FMNL2: variants seen among roughly 807,000 people sequenced by gnomAD.
FMNL2 encodes formin-like protein 2.
Under a neutral mutation model 130.2 loss-of-function variants are expected in FMNL2, and 51 were observed. That is an observed-to-expected ratio of 0.39 (90% CI 0.31 to 0.49). The LOEUF (loss-of-function observed/expected upper bound fraction) is 0.49. Ranked by LOEUF, FMNL2 falls within the 20% of genes least tolerant of loss-of-function variation. The pLI is 0.85. For missense variants in FMNL2, 977 were observed against 1,316.2 expected (o/e 0.74, Z 3.99); for synonymous variants, 465 against 467.1 (o/e 1.00, Z 0.06).
intron 1 of FMNL2, among the ~76,000 whole-genome samples, chr2:152,404,305 A>G (rs1424009460): frequency 3.9e-5 from 6 of 152,214 alleles, no homozygotes; most frequent in Non-Finnish European, 8.8e-5. Flanking sequence ...CCTTTCCTAC[A>G]TAAACATTTT....
chr2:152,542,610 A>G, intron 2 of FMNL2, 129 bp from the exon 3 acceptor site: 2 of 832,320 alleles, frequency 2.4e-6, no homozygotes, highest in East Asian at 2.6e-5. Context: ...TTAGTACAAA[A>G]TGACTGCTCG....
At chr2:152,621,033 A>AG in intron 15 of FMNL2, 1 of 985,408 alleles carries the variant, frequency 1.0e-6, no homozygotes, top group Non-Finnish European at 1.2e-6. Context: ...TGGAATATAA[A>AG]CAGACAAACA....
At chr2:152,548,564 C>T (rs1010038736) in intron 3 of FMNL2, among the ~76,000 whole-genome samples, 19 of 152,162 alleles carry the variant, frequency 1.2e-4, no homozygotes, top group African/African-American at 3.9e-4. Flanking sequence ...GGAGAGGACT[C>T]CTGGAAGATT....
intron 1 of FMNL2, among the ~76,000 whole-genome samples, chr2:152,367,059 T>TTGTG (rs34033628): frequency 0.02 from 2,858 of 142,640 alleles, 39 homozygotes; most frequent in Non-Finnish European, 0.032. Context: ...TACCCTGTTA[T>TTGTG]TGTGTGTGTG....
At position 152,443,818 on chromosome 2, in the gene FMNL2, C is replaced by T. The variant is rs185616143; in HGVS notation, c.118-78125C>T. Among the ~76,000 whole-genome samples the T allele has an allele frequency of 6.4e-3, 974 of 151,706 alleles. 13 individuals are homozygous for T. The highest frequency in any genetic ancestry group is 0.022 in the African/African-American group (916 of 41,346). On this transcript the variant is annotated intron_variant, in intron 1 of 25. Transcript: ENST00000288670. ...AGATCACATCATTGCACTCCAGCCT[C>T]GGCAACAGAGCGAGAGACTCCATCC...
At chr2:152,480,468 C>T (rs1022030858) in intron 1 of FMNL2, among the ~76,000 whole-genome samples, 11 of 151,732 alleles carry the variant, frequency 7.2e-5, no homozygotes, top group Non-Finnish European at 1.3e-4. Flanking sequence ...AACCCCGTCT[C>T]TACTAAAACT....
chr2:152,409,343 A>G, intron 1 of FMNL2, among the ~76,000 whole-genome samples: 1 of 152,184 alleles, frequency 6.6e-6, no homozygotes, highest in Non-Finnish European at 1.5e-5. Context: ...TATATAAGCA[A>G]TGGTTTTTTT....
intron 1 of FMNL2, among the ~76,000 whole-genome samples, chr2:152,424,728 C>A (rs1579631784): frequency 1.3e-5 from 2 of 152,230 alleles, no homozygotes; most frequent in African/African-American, 4.8e-5. Context: ...TTATGCCCCT[C>A]CATTTGCTTC....
chr2:152,520,607 AAAATT>A (rs1693035074), intron 1 of FMNL2, among the ~76,000 whole-genome samples: 2 of 152,000 alleles, frequency 1.3e-5, no homozygotes, highest in East Asian at 1.9e-4. Flanking sequence ...AAAAAAAAAA[AAAATT>A]AAATTAAATA....
intron 11 of FMNL2, 83 bp from the exon 12 acceptor site, chr2:152,614,768 A>T (rs1698862999): frequency 1.4e-6 from 2 of 1,448,672 alleles, no homozygotes; most frequent in Non-Finnish European, 1.8e-6. Context: ...AAAACAAAAA[A>T]CAAAAAAGAC....
At chr2:152,479,715 GTTGT>G (rs1326592887) in intron 1 of FMNL2, among the ~76,000 whole-genome samples, 5 of 118,012 alleles carry the variant, frequency 4.2e-5, no homozygotes, top group East Asian at 5.6e-4. Context: ...GATGTTGTGG[GTTGT>G]TTTTTTTTTT....
chr2:152,608,515 G>A (rs1382224643), intron 10 of FMNL2, among the ~76,000 whole-genome samples: 1 of 146,320 alleles, frequency 6.8e-6, no homozygotes, highest in Admixed American at 6.8e-5. Context: ...TTTTCAAAGT[G>A]TGTGTGTCTA....
At chr2:152,558,351 A>G (rs1695340636) in intron 4 of FMNL2, among the ~76,000 whole-genome samples, 1 of 152,142 alleles carries the variant, frequency 6.6e-6, no homozygotes, top group Admixed American at 6.5e-5. Context: ...TTATGTTGTC[A>G]TGTCCCCCAT....
At chr2:152,616,327 G>GTTTTTTTTTTTTTTTTTTTTTTGTTT in intron 12 of FMNL2, among the ~76,000 whole-genome samples, 1 of 110,056 alleles carries the variant, frequency 9.1e-6, no homozygotes, top group Non-Finnish European at 1.8e-5. Flanking sequence ...ATTTTTGTGG[G>GTTTTTTTTTTTTTTTTTTTTTTGTTT]TTTTTTTTTT....
chr2:152,538,364 C>T (rs1694116718), intron 2 of FMNL2, among the ~76,000 whole-genome samples: 1 of 152,118 alleles, frequency 6.6e-6, no homozygotes, highest in Non-Finnish European at 1.5e-5. Flanking sequence ...ACTGCAAGCC[C>T]CACCTCCTGG....
chr2:152,426,686 T>G (rs1414475180), intron 1 of FMNL2, among the ~76,000 whole-genome samples: 1 of 152,140 alleles, frequency 6.6e-6, no homozygotes, highest in African/African-American at 2.4e-5. Flanking sequence ...CTGAGATTTT[T>G]TTTTTTTTGA....
intron 1 of FMNL2, among the ~76,000 whole-genome samples, chr2:152,427,978 C>A (rs1239142615): frequency 6.6e-6 from 1 of 152,158 alleles, no homozygotes. Flanking sequence ...CTGTGCTATA[C>A]CTTGCCTTTT....
intron 15 of FMNL2, among the ~76,000 whole-genome samples, chr2:152,624,310 A>G (rs1337785160): frequency 6.6e-6 from 1 of 151,426 alleles, no homozygotes; most frequent in Non-Finnish European, 1.5e-5. Context: ...GGTGCACACC[A>G]CCACAACTGG....
At chr2:152,643,793 GAAA>G (rs1212054583) in intron 25 of FMNL2, 3 of 985,314 alleles carry the variant, frequency 3.0e-6, no homozygotes, top group East Asian at 1.1e-4. Context: ...GAAATTTTCA[GAAA>G]AATAGAGCAA....
Sources: gnomAD v4.1 joint callset for allele counts (sites outside exome capture counted in the v4.1 genomes callset) on GRCh38, gnomAD v4.1.1 for gene constraint, MANE v1.5 for transcripts, NCBI Gene and HGNC (gene_info 2026-07-23, HGNC 2026-07-21) for gene names.